Variants in SLC9A4 observed in about 807,000 individuals in gnomAD.
The protein encoded by SLC9A4 is solute carrier family 9 member A4, also known as sodium/hydrogen exchanger 4.
Under a neutral mutation model 67.4 loss-of-function variants are expected in SLC9A4, and 63 were observed. The observed-to-expected ratio is 0.93, with a 90% CI of 0.76 to 1.15. The LOEUF is 1.15. Ranked by LOEUF, SLC9A4 falls within the 50% of genes most tolerant of loss-of-function variation. SLC9A4 has a pLI of 0.00. For missense variants in SLC9A4, 1,089 were observed against 987.7 expected, an observed-to-expected ratio of 1.10 and a Z score of -1.38; for synonymous variants, 393 against 367.2, an observed-to-expected ratio of 1.07 and a Z score of -0.80.
chr2:102,481,614 T>A (rs1378284223), intron 2 of SLC9A4, among the ~76,000 whole-genome samples: 1 of 152,218 alleles, frequency 6.6e-6, no homozygotes, highest in Admixed American at 6.5e-5. Flanking sequence ...AAAAAAAGAT[T>A]TATAGGAATT....
chr2:102,490,003 C>T (rs1358191729), intron 2 of SLC9A4, among the ~76,000 whole-genome samples: 1 of 152,012 alleles, frequency 6.6e-6, no homozygotes, highest in Non-Finnish European at 1.5e-5. Flanking sequence ...TTGTTTACTA[C>T]AGGTCTTTAT....
chr2:102,530,521 A>T (rs558231403), intron 11 of SLC9A4, among the ~76,000 whole-genome samples: 1 of 152,196 alleles, frequency 6.6e-6, no homozygotes, highest in Non-Finnish European at 1.5e-5. Context: ...TCACATACCC[A>T]TGCCTCTTCC....
chr2:102,476,338 A>G (rs960924889), intron 1 of SLC9A4, among the ~76,000 whole-genome samples: 2 of 152,216 alleles, frequency 1.3e-5, no homozygotes, highest in Non-Finnish European at 2.9e-5. Context: ...ATTTGTGTCC[A>G]TTTAAGCTCT....
At chr2:102,526,382 G>A in intron 11 of SLC9A4, 36 bp downstream of exon 11, 1 of 1,596,026 alleles carries the variant, frequency 6.3e-7, no homozygotes, top group Non-Finnish European at 8.6e-7. Flanking sequence ...CTGCTTTTCT[G>A]TAGAGTCAGG....
At chr2:102,511,838 T>C (rs1196112122) in intron 6 of SLC9A4, among the ~76,000 whole-genome samples, 1 of 151,650 alleles carries the variant, frequency 6.6e-6, no homozygotes, top group Non-Finnish European at 1.5e-5. Context: ...AATTATTTAA[T>C]AATATCTTAA....
chr2:102,529,307 C>A (rs1674731522), intron 11 of SLC9A4, among the ~76,000 whole-genome samples: 1 of 152,150 alleles, frequency 6.6e-6, no homozygotes, highest in Non-Finnish European at 1.5e-5. Context: ...AACTAGAAAT[C>A]TGAGGGAAAA....
At chr2:102,480,407 A>G (rs1481989292) in intron 2 of SLC9A4, among the ~76,000 whole-genome samples, 1 of 150,726 alleles carries the variant, frequency 6.6e-6, no homozygotes, top group African/African-American at 2.4e-5. Flanking sequence ...CTTGTTGCCC[A>G]GGCTGGAGTG....
At chr2:102,496,275 C>T (rs781082225) in intron 2 of SLC9A4, among the ~76,000 whole-genome samples, 19 of 152,058 alleles carry the variant, frequency 1.2e-4, no homozygotes, top group African/African-American at 2.4e-4. Flanking sequence ...TGAAAATATG[C>T]GCAACATAGT....
Position 102,483,799 on chromosome 2 carries a change from CATATATATATATATATAT to C in SLC9A4, c.720+4523_720+4540del, listed in dbSNP as rs61195337. Among the ~76,000 whole-genome samples, 254 of 114,288 alleles carry C rather than the reference CATATATATATATATATAT, an allele frequency of 2.2e-3. 1 individual carries two copies. Among genetic ancestry groups the C allele is most frequent in the African/African-American group, 7.6e-3 (231 of 30,406 alleles). 75.0% of individuals were successfully genotyped at this position (114,288 alleles called of 152,430 possible). ...TTAGTAACTATCTCACCATGTACAG[CATATATATATATATATAT>C]ATATATATATATATATATATATATA... On this transcript the variant is annotated intron_variant, in intron 2 of 11. Transcript: ENST00000295269.
In SLC9A4 at chr2:102,473,284, C is replaced by A. The variant is rs1202853032; in HGVS notation, c.-476C>A. 6.5e-6 allele frequency: 1 copy of A among 154,474 alleles called. No individual in the cohort carries two copies. Among genetic ancestry groups the A allele is most frequent in the African/African-American group, 2.4e-5 (1 of 41,478 alleles). 9.6% of individuals were successfully genotyped at this position (154,474 alleles called of 1,614,324 possible). A position where few individuals can be genotyped will look rare whatever the true frequency, so the allele number is the denominator to read the frequency against. On this transcript the variant is annotated 5_prime_UTR_variant, in exon 1 of 12. Transcript: ENST00000295269. ...GAAGGAACAAGCGCAGATCAGGTAG[C>A]TCCTTCTTGGGATCTGATAGACAGG...
chr2:102,505,182 G>C, intron 3 of SLC9A4, 72 bp from the exon 4 acceptor site: 2 of 1,400,472 alleles, frequency 1.4e-6, no homozygotes, highest in Non-Finnish European at 2.0e-6. Context: ...CTGTGGCATT[G>C]CCTGTGGGGA....
At chr2:102,481,776 T>C (rs1366667694) in intron 2 of SLC9A4, among the ~76,000 whole-genome samples, 1 of 152,218 alleles carries the variant, frequency 6.6e-6, no homozygotes, top group African/African-American at 2.4e-5. Flanking sequence ...ATGACTCTTT[T>C]TTTGCTCCTG....
intron 9 of SLC9A4, among the ~76,000 whole-genome samples, chr2:102,524,444 A>G (rs1007468330): frequency 4.6e-5 from 7 of 152,174 alleles, no homozygotes; most frequent in Non-Finnish European, 1.0e-4. Flanking sequence ...ATTCTCATAA[A>G]GCTAAATTGA....
chr2:102,503,778 G>A, intron 3 of SLC9A4, 71 bp downstream of exon 3: 4 of 1,551,014 alleles, frequency 2.6e-6, no homozygotes, highest in Non-Finnish European at 3.5e-6. Flanking sequence ...CATGAGCCAG[G>A]CATCTGGGAA....
chr2:102,518,498 G>A (rs1685324953), intron 8 of SLC9A4, among the ~76,000 whole-genome samples: 1 of 152,086 alleles, frequency 6.6e-6, no homozygotes, highest in South Asian at 2.1e-4. Flanking sequence ...CACCAAGGGT[G>A]GTAACTGTAT....
At chr2:102,509,141 C>T (rs574535502) in intron 6 of SLC9A4, among the ~76,000 whole-genome samples, 67 of 152,314 alleles carry the variant, frequency 4.4e-4, no homozygotes, top group African/African-American at 1.3e-3. Context: ...TTCTGGAGGT[C>T]GGAAGTTCAA....
rs765871463 is a variant in SLC9A4 at position 102,505,321 on chromosome 2, A to G, written c.1048A>G (p.Thr350Ala). 3 of 1,614,218 alleles carry G rather than the reference A, an allele frequency of 1.9e-6. No individual in the cohort carries two copies. The highest frequency in any genetic ancestry group is 2.5e-6 in the Non-Finnish European group (3 of 1,180,042). ...EENVSQTSYTTIKYFMKMLSS... is the reference protein window; with the variant it reads ...EENVSQTSYTAIKYFMKMLSS... ...AAACGTGTCCCAGACATCATACACGACCATCAAGTACTTCATGAAGATGCT... is the reference window on the plus strand; with the variant it reads ...AAACGTGTCCCAGACATCATACACGGCCATCAAGTACTTCATGAAGATGCT... The change falls in exon 4 of 12, where the codon ACC becomes GCC. Residue 350 changes from threonine to alanine, a missense_variant. Coordinates refer to ENST00000295269, the MANE Select transcript of SLC9A4 (RefSeq NM_001011552.4).
At chr2:102,526,079 G>A (rs1248551071) in intron 10 of SLC9A4, among the ~76,000 whole-genome samples, 180 bp from the exon 11 acceptor site, 2 of 152,086 alleles carry the variant, frequency 1.3e-5, no homozygotes, top group African/African-American at 2.4e-5. Context: ...GTAGAGACGG[G>A]GTTTCACCAT....
chr2:102,518,139 T>G (rs905060782), intron 8 of SLC9A4, among the ~76,000 whole-genome samples: 1 of 152,212 alleles, frequency 6.6e-6, no homozygotes, highest in African/African-American at 2.4e-5. Context: ...TTGGGATACC[T>G]GGAGCACCCA....
Sources: gnomAD v4.1 joint callset for allele counts (sites outside exome capture counted in the v4.1 genomes callset) on GRCh38, gnomAD v4.1.1 for gene constraint, MANE v1.5 for transcripts, NCBI Gene and HGNC (gene_info 2026-07-23, HGNC 2026-07-21) for gene names.